The following DCLK1 variants were observed in gnomAD, a reference collection of about 807,000 sequenced individuals.
DCLK1 encodes serine/threonine-protein kinase DCLK1.
Under a neutral mutation model 86.2 loss-of-function variants are expected in DCLK1, and 16 were observed. That is an observed-to-expected ratio of 0.19 (90% CI 0.13 to 0.28). The LOEUF (loss-of-function observed/expected upper bound fraction) is 0.28. Ranked by LOEUF, DCLK1 falls within the 10% of genes least tolerant of loss-of-function variation. The pLI is 1.00. For missense variants in DCLK1, 590 were observed against 940.2 expected, an observed-to-expected ratio of 0.63 and a Z score of 4.87; for synonymous variants, 369 against 370.5, an observed-to-expected ratio of 1.00 and a Z score of 0.05.
At chr13:35,946,637 T>C (rs1419781150) in intron 4 of DCLK1, among the ~76,000 whole-genome samples, 10 of 152,334 alleles carry the variant, frequency 6.6e-5, no homozygotes, top group Non-Finnish European at 1.2e-4. Context: ...AATACTCCCA[T>C]AATTAAATTA....
chr13:36,079,850 A>G (rs17789281), intron 3 of DCLK1, among the ~76,000 whole-genome samples: 23,290 of 152,234 alleles, frequency 0.15, 2,167 homozygotes, highest in Non-Finnish European at 0.21. Flanking sequence ...GATGCTGCAC[A>G]TAGAAGTAGT....
intron 6 of DCLK1, chr13:35,846,958 A>C (rs1433146150): frequency 3.0e-6 from 3 of 985,130 alleles, no homozygotes; most frequent in Non-Finnish European, 3.6e-6. Flanking sequence ...CTTCATATCA[A>C]ATATACTCTG....
intron 6 of DCLK1, among the ~76,000 whole-genome samples, chr13:35,851,780 T>C (rs192921391): frequency 5.1e-4 from 77 of 152,316 alleles, no homozygotes; most frequent in Non-Finnish European, 8.5e-4. Context: ...TTTCATTGTA[T>C]AAGAGTATTC....
intron 3 of DCLK1, among the ~76,000 whole-genome samples, chr13:35,958,181 A>AACCACCACCACC (rs1171117798): frequency 9.2e-6 from 1 of 108,200 alleles, no homozygotes; most frequent in African/African-American, 4.0e-5. Flanking sequence ...TCACCACTAT[A>AACCACCACCACC]ACCACCACTA....
At chr13:35,959,548 GC>G (rs1383847772) in intron 3 of DCLK1, among the ~76,000 whole-genome samples, 1 of 151,964 alleles carries the variant, frequency 6.6e-6, no homozygotes, top group Non-Finnish European at 1.5e-5. Context: ...TCATTTGAAA[GC>G]CCCTGATTTT....
At chr13:35,945,598 C>T (rs1304217896) in intron 4 of DCLK1, among the ~76,000 whole-genome samples, 1 of 152,168 alleles carries the variant, frequency 6.6e-6, no homozygotes, top group Non-Finnish European at 1.5e-5. Flanking sequence ...ATCTGGTCTG[C>T]CAAACCATTC....
chr13:36,097,192 T>C (rs1166108549), intron 3 of DCLK1, among the ~76,000 whole-genome samples: 1 of 152,208 alleles, frequency 6.6e-6, no homozygotes. Context: ...ATGTGACTAA[T>C]AAGCAGATCA....
chr13:35,990,221 A>G (rs1234934096), intron 3 of DCLK1, among the ~76,000 whole-genome samples: 2 of 152,328 alleles, frequency 1.3e-5, no homozygotes, highest in African/African-American at 4.8e-5. Context: ...TACTAATACT[A>G]AATACCAAAA....
intron 4 of DCLK1, among the ~76,000 whole-genome samples, chr13:35,872,276 G>A (rs1267510652): frequency 6.6e-6 from 1 of 152,148 alleles, no homozygotes; most frequent in Non-Finnish European, 1.5e-5. Context: ...TTTATTTTTG[G>A]AGGGGGGTAT....
chr13:36,002,519 A>T (rs1880765301), intron 3 of DCLK1, among the ~76,000 whole-genome samples: 1 of 152,366 alleles, frequency 6.6e-6, no homozygotes, highest in Middle Eastern at 3.4e-3. Context: ...CTAATGCTAC[A>T]TTAAAATTTT....
chr13:36,062,719 TAAAAAGCAAGAGAG>T (rs2153159548), intron 3 of DCLK1, among the ~76,000 whole-genome samples: 1 of 152,242 alleles, frequency 6.6e-6, no homozygotes, highest in Admixed American at 6.5e-5. Flanking sequence ...TGTTTCAAAT[TAAAAAGCAAGAGAG>T]AAGAGAACTG....
chr13:36,031,186 A>G (rs1030383054), intron 3 of DCLK1, among the ~76,000 whole-genome samples: 1 of 152,208 alleles, frequency 6.6e-6, no homozygotes, highest in African/African-American at 2.4e-5. Context: ...TCTGGATTTG[A>G]CTTTGGAAAA....
In DCLK1 at chr13:35,848,261, A is replaced by G. The variant is rs1047105058; in HGVS notation, c.1035+6238T>C. ...ATAAGTAACTCAATCATAAGTGCCT[A>G]TAAATCACCAATTCTGTTCCACCAA... is the stretch of plus-strand genomic sequence containing the variant. On this transcript the variant is annotated intron_variant, in intron 6 of 16. Coordinates refer to ENST00000360631, the MANE Select transcript of DCLK1 (RefSeq NM_001330071.2). 7.1e-6 allele frequency: 7 copies of G among 984,780 alleles called. No individual in the cohort carries two copies. The African/African-American group carries it at 1.0e-4, about 15-fold the overall frequency. 61.0% of individuals were successfully genotyped at this position (984,780 alleles called of 1,614,324 possible). A position where few individuals can be genotyped will look rare whatever the true frequency, so the allele number is the denominator to read the frequency against.
chr13:35,790,144 G>C (rs192530761), intron 16 of DCLK1, among the ~76,000 whole-genome samples: 51 of 152,016 alleles, frequency 3.4e-4, no homozygotes, highest in African/African-American at 1.2e-3. Context: ...TCCTTTCTTT[G>C]GTCCTAATAA....
intron 3 of DCLK1, among the ~76,000 whole-genome samples, chr13:36,032,705 C>T (rs1282606702): frequency 6.6e-6 from 1 of 152,152 alleles, no homozygotes; most frequent in Non-Finnish European, 1.5e-5. Context: ...TGCTGGGGCT[C>T]TACTTAACTC....
rs190697994 is a variant in DCLK1 at position 36,064,990 on chromosome 13, T to G, written c.723+46879A>C. Among the ~76,000 whole-genome samples, 106 of 152,290 alleles carry G rather than the reference T, an allele frequency of 7.0e-4. 1 individual carries two copies. Among genetic ancestry groups the G allele is most frequent in the Admixed American group, 7.2e-4 (11 of 15,288 alleles). The stretch of plus-strand genomic sequence containing the variant: ...TGCTAGAAATGTTCTCCAAGCACTC[T>G]TCTGTAAAAAAATGCTTTCTTTGGA... On this transcript the variant is annotated intron_variant, in intron 3 of 16. Transcript: ENST00000360631.
chr13:35,815,596 CA>C, intron 11 of DCLK1, among the ~76,000 whole-genome samples: 1 of 152,280 alleles, frequency 6.6e-6, no homozygotes, highest in South Asian at 2.1e-4. Context: ...GAAAAAACGT[CA>C]ATTTACTTTT....
intron 3 of DCLK1, among the ~76,000 whole-genome samples, chr13:35,963,664 G>C (rs1025364269): frequency 1.3e-5 from 2 of 152,156 alleles, no homozygotes; most frequent in African/African-American, 4.8e-5. Context: ...AGGTGTTTAG[G>C]AAAGACCTTG....
intron 2 of DCLK1, among the ~76,000 whole-genome samples, chr13:36,112,922 C>A (rs1305411570): frequency 2.6e-5 from 4 of 152,260 alleles, no homozygotes; most frequent in African/African-American, 4.8e-5. Flanking sequence ...AGCAGGAAAT[C>A]TTTTAATGAA....
Sources: gnomAD v4.1 joint callset for allele counts (sites outside exome capture counted in the v4.1 genomes callset) on GRCh38, gnomAD v4.1.1 for gene constraint, MANE v1.5 for transcripts, NCBI Gene and HGNC (gene_info 2026-07-23, HGNC 2026-07-21) for gene names.